GPRC6A: variants seen among roughly 807,000 people sequenced by gnomAD.
The protein encoded by GPRC6A is G protein-coupled receptor family C group 6 member A.
A neutral mutation model predicts 47.0 loss-of-function variants in GPRC6A; 54 were observed. The ratio of observed to expected loss-of-function variants is 1.15; its 90% CI spans 0.92 to 1.44. The LOEUF (loss-of-function observed/expected upper bound fraction) is 1.44. GPRC6A is among the 40% of genes most tolerant of loss of function. GPRC6A has a pLI of 0.00. For missense variants in GPRC6A, 1,112 were observed against 1,105.5 expected (o/e 1.01, Z -0.08); for synonymous variants, 347 against 377.1 (o/e 0.92, Z 0.93).
At chr6:116,817,151 A>C (rs1773247807) in intron 1 of GPRC6A, among the ~76,000 whole-genome samples, 1 of 151,850 alleles carries the variant, frequency 6.6e-6, no homozygotes, top group East Asian at 1.9e-4. Flanking sequence ...GACAGCTTTG[A>C]AGAGAGCAGT....
At chr6:116,808,027 CATGTGGTGTGATGGAAAGACA>C (rs1772910265) in intron 2 of GPRC6A, among the ~76,000 whole-genome samples, 2 of 151,158 alleles carry the variant, frequency 1.3e-5, no homozygotes, top group Non-Finnish European at 2.9e-5. Flanking sequence ...TTACAGCTGC[CATGTGGTGTGATGGAAAGACA>C]ATAGGCTTGG....
At chr6:116,819,053 CA>C (rs1773355933) in intron 1 of GPRC6A, among the ~76,000 whole-genome samples, 1 of 152,052 alleles carries the variant, frequency 6.6e-6, no homozygotes, top group Non-Finnish European at 1.5e-5. Context: ...GCAGGGGTTG[CA>C]ATCCTAGTCT....
intron 3 of GPRC6A, among the ~76,000 whole-genome samples, chr6:116,804,133 A>G (rs1490867804): frequency 6.6e-6 from 1 of 152,096 alleles, no homozygotes; most frequent in African/African-American, 2.4e-5. Context: ...CATCAGAAGT[A>G]AAGGAAAACA....
At chr6:116,803,406 G>A (rs1211146921) in intron 3 of GPRC6A, among the ~76,000 whole-genome samples, 2 of 151,978 alleles carry the variant, frequency 1.3e-5, no homozygotes, top group Non-Finnish European at 2.9e-5. Flanking sequence ...CCTATCCTCT[G>A]TCAAGTTCAA....
chr6:116,819,433 T>C (rs1355963271), intron 1 of GPRC6A, among the ~76,000 whole-genome samples: 2,181 of 151,392 alleles, frequency 0.014, 49 homozygotes, highest in African/African-American at 0.051. Flanking sequence ...CCACACCTAT[T>C]CCAAAATTGA....
chr6:116,793,271 A>C, intron 5 of GPRC6A, 21 bp from the exon 6 acceptor site: 1 of 1,530,054 alleles, frequency 6.5e-7, no homozygotes, highest in South Asian at 1.3e-5. Context: ...GAGGAGACGC[A>C]GTTACATTGT....
chr6:116,824,093 A>C (rs1293888530), intron 1 of GPRC6A, among the ~76,000 whole-genome samples: 3 of 152,154 alleles, frequency 2.0e-5, no homozygotes, highest in Non-Finnish European at 4.4e-5. Flanking sequence ...AGTGGGATAC[A>C]GCAAAAGCAG....
chr6:116,806,331 G>T (rs1377338439), intron 3 of GPRC6A, 39 bp downstream of exon 3: 1 of 1,276,112 alleles, frequency 7.8e-7, no homozygotes, highest in South Asian at 1.3e-5. Flanking sequence ...TGGGGAAAAT[G>T]ATGGTAGAAG....
intron 1 of GPRC6A, 74 bp downstream of exon 1, chr6:116,828,746 A>G: frequency 8.4e-7 from 1 of 1,196,186 alleles, no homozygotes; most frequent in South Asian, 1.7e-5. Context: ...AGATATTAAT[A>G]CAAGTTAACA....
chr6:116,806,369 C>T lies in GPRC6A; in HGVS notation c.1335+1G>A, dbSNP rs779718312. The T allele has an allele frequency of 2.5e-6, 4 of 1,583,532 alleles. No individual in the cohort carries two copies. The highest frequency in any genetic ancestry group is 3.5e-6 in the Non-Finnish European group (4 of 1,157,382). On this transcript the variant is annotated splice_donor_variant, in intron 3 of 5. Coordinates refer to ENST00000310357, the MANE Select transcript of GPRC6A (RefSeq NM_148963.4). LOFTEE classifies it high-confidence loss of function. ...TTTTTCTTGGATGTGTGAGTTAGTA[C>T]CTCCCATGGTTGAAAGGCGTTGGGG...
chr6:116,821,799 G>A (rs1172235813), intron 1 of GPRC6A, among the ~76,000 whole-genome samples: 2 of 151,332 alleles, frequency 1.3e-5, no homozygotes, highest in Admixed American at 6.6e-5. Flanking sequence ...CATAGGCATG[G>A]GCAAGGACTT....
In GPRC6A at chr6:116,807,708, G is replaced by A. The variant is rs189339693; in HGVS notation, c.499-502C>T. Among the ~76,000 whole-genome samples, 374 of 152,170 alleles carry A rather than the reference G, an allele frequency of 2.5e-3. 4 individuals are homozygous for A. The highest frequency in any genetic ancestry group is 0.014 in the Middle Eastern group (4 of 294). Reference sequence around the variant, plus strand: ...GATATAAAATATTTTAAGCTTTTTGGTCATATATAGTCTCTGTCATATCTA... The same window carrying A: ...GATATAAAATATTTTAAGCTTTTTGATCATATATAGTCTCTGTCATATCTA... On this transcript the variant is annotated intron_variant, in intron 2 of 5. Coordinates refer to ENST00000310357, the MANE Select transcript of GPRC6A (RefSeq NM_148963.4).
chr6:116,798,321 G>C (rs942186875), intron 4 of GPRC6A, among the ~76,000 whole-genome samples: 5 of 152,132 alleles, frequency 3.3e-5, no homozygotes, highest in African/African-American at 1.2e-4. Flanking sequence ...ATGAACATCA[G>C]AGAAAATTAT....
chr6:116,828,782 A>G, intron 1 of GPRC6A, 38 bp downstream of exon 1: 1 of 1,562,988 alleles, frequency 6.4e-7, no homozygotes, highest in Non-Finnish European at 8.7e-7. Flanking sequence ...TCTCATGACA[A>G]TCTTGAAATC....
intron 1 of GPRC6A, among the ~76,000 whole-genome samples, chr6:116,826,957 G>A (rs1320800236): frequency 6.6e-6 from 1 of 151,746 alleles, no homozygotes; most frequent in Non-Finnish European, 1.5e-5. Flanking sequence ...ACAGAAAGAC[G>A]AATATCATAT....
intron 2 of GPRC6A, among the ~76,000 whole-genome samples, chr6:116,808,831 A>AT (rs138037711): frequency 0.028 from 4,275 of 150,402 alleles, 153 homozygotes; most frequent in African/African-American, 0.087. Flanking sequence ...GTGATATCTG[A>AT]TTTTTTTTTT....
chr6:116,824,323 T>TA (rs1029028454), intron 1 of GPRC6A, among the ~76,000 whole-genome samples: 2 of 150,520 alleles, frequency 1.3e-5, no homozygotes, highest in African/African-American at 2.4e-5. Flanking sequence ...TTCAAAAAGA[T>TA]AAAAAAAATT....
Position 116,793,024 on chromosome 6 carries a change from G to T in GPRC6A, c.1899C>A (p.Cys633Ter), listed in dbSNP as rs1368169493. Residue 633 changes from cysteine to a stop codon, truncating the protein, a stop_gained, in exon 6 of 6, where the codon TGC (cysteine) becomes TGA (stop). Transcript: ENST00000310357. LOFTEE classifies it low-confidence loss of function (END_TRUNC). ...VVKSSGGLRV[C>*]YVILLCHFLN... ...GGAAATGACAGAGAAGGATCACATA[G>T]CAGACTCTTAATCCCCCGGATGATT... 6.2e-7 allele frequency: 1 copy of T among 1,613,944 alleles called. No individual in the cohort carries two copies. Among genetic ancestry groups the T allele is most frequent in the Non-Finnish European group, 8.5e-7 (1 of 1,179,982 alleles).
At chr6:116,802,954 T>C (rs1489643783) in intron 3 of GPRC6A, among the ~76,000 whole-genome samples, 1 of 152,146 alleles carries the variant, frequency 6.6e-6, no homozygotes, top group African/African-American at 2.4e-5. Context: ...CCAAAATTAC[T>C]CTCATGTCTC....
Sources: allele counts gnomAD v4.1 joint callset (sites outside exome capture counted in the v4.1 genomes callset), GRCh38; gene constraint gnomAD v4.1.1; transcripts MANE v1.5; gene names NCBI Gene and HGNC (gene_info 2026-07-23, HGNC 2026-07-21).